The following ZNF532 variants were observed in gnomAD, a reference collection of about 807,000 sequenced individuals.
The protein encoded by ZNF532 is zinc finger protein 532.
In ZNF532, 22 loss-of-function variants were observed where a neutral mutation model predicts 89.3. The ratio of observed to expected loss-of-function variants is 0.25; its 90% CI spans 0.18 to 0.35. ZNF532 has a LOEUF of 0.35. Among genes scored for constraint, ZNF532 ranks in the 10% least tolerant of loss-of-function variants. The pLI is 1.00. For synonymous variants in ZNF532, 606 were observed against 649.6 expected (o/e 0.93, Z 1.02); for missense variants, 1,132 against 1,643.4 (o/e 0.69, Z 5.38).
rs1321734803 is a variant in ZNF532, at chr18:58,920,209, G to A, written c.1922G>A (p.Arg641His). ...LTQHYDRRSV[R>H]IEVTCNHCTK... Reference sequence around the variant, plus strand: ...CAGCACTACGACAGACGGAGCGTGCGCATCGAAGTAACGTGCAACCATTGT... The same window carrying A: ...CAGCACTACGACAGACGGAGCGTGCACATCGAAGTAACGTGCAACCATTGT... Residue 641 changes from arginine to histidine, a missense_variant, in exon 3 of 10, where the codon CGC (arginine) becomes CAC (histidine). By Grantham distance (29) the Arg-to-His change is conservative. Coordinates refer to ENST00000591808, the MANE Select transcript of ZNF532 (RefSeq NM_001375912.1). 4 of 1,613,538 alleles carry A rather than the reference G, an allele frequency of 2.5e-6. No homozygotes were observed. Among genetic ancestry groups the A allele is most frequent in the East Asian group, 4.5e-5 (2 of 44,888 alleles).
At chr18:58,891,208 T>G (rs1043393020) in intron 2 of ZNF532, among the ~76,000 whole-genome samples, 5 of 151,872 alleles carry the variant, frequency 3.3e-5, no homozygotes, top group Admixed American at 1.3e-4. Flanking sequence ...CATGAGCCAC[T>G]GCGCCCGGCC....
At chr18:58,874,673 A>T (rs1409396194) in intron 2 of ZNF532, among the ~76,000 whole-genome samples, 1 of 151,950 alleles carries the variant, frequency 6.6e-6, no homozygotes, top group Non-Finnish European at 1.5e-5. Context: ...GTACTTGAAC[A>T]TTTTTTTGCT....
In ZNF532 at chr18:58,984,508, T is replaced by G; in HGVS notation, c.*42T>G. On this transcript the variant is annotated 3_prime_UTR_variant, in exon 10 of 10. Transcript: ENST00000591808. ...AGGAAAATCCCTGTCCACATTGGAA[T>G]AAAAAAGACATTTTTGTTACAAAGT... The G allele has an allele frequency of 6.4e-7, 1 of 1,570,202 alleles. No homozygotes were observed. Among genetic ancestry groups the G allele is most frequent in the Non-Finnish European group, 8.6e-7 (1 of 1,160,862 alleles).
In ZNF532 at chr18:58,985,628, C is replaced by T. The variant is rs1368510578; in HGVS notation, c.*1162C>T. 1 of 152,594 alleles carries T rather than the reference C, an allele frequency of 6.6e-6. No homozygotes were observed. Among genetic ancestry groups the T allele is most frequent in the Non-Finnish European group, 1.5e-5 (1 of 68,040 alleles). 9.5% of individuals were successfully genotyped at this position (152,594 alleles called of 1,614,324 possible). A position where few individuals can be genotyped will look rare whatever the true frequency, so the allele number is the denominator to read the frequency against. On this transcript the variant is annotated 3_prime_UTR_variant, in exon 10 of 10. Transcript: ENST00000591808. ...AGAAGTATATTTAACGTCGGTAGTT[C>T]TGCTTTATTAAAATGCAGCAGAGGT... is the stretch of plus-strand genomic sequence containing the variant.
chr18:58,914,953 A>G (rs1374120280), intron 2 of ZNF532, among the ~76,000 whole-genome samples: 1 of 152,246 alleles, frequency 6.6e-6, no homozygotes, highest in Non-Finnish European at 1.5e-5. Context: ...GAAAACTTTC[A>G]GACATAAACA....
At chr18:58,885,025 G>C (rs1241834524) in intron 2 of ZNF532, among the ~76,000 whole-genome samples, 1 of 126,086 alleles carries the variant, frequency 7.9e-6, no homozygotes, top group Non-Finnish European at 1.6e-5. Context: ...TTTCACTCTT[G>C]TTACCTAGGT....
intron 2 of ZNF532, among the ~76,000 whole-genome samples, chr18:58,866,847 G>A (rs1408372795): frequency 6.6e-6 from 1 of 152,260 alleles, no homozygotes; most frequent in African/African-American, 2.4e-5. Context: ...GATACTTTAT[G>A]GAGTATTTAA....
intron 5 of ZNF532, among the ~76,000 whole-genome samples, chr18:58,946,739 C>T (rs2063696154): frequency 6.6e-6 from 1 of 152,096 alleles, no homozygotes; most frequent in South Asian, 2.1e-4. Context: ...CCCCGAAAAC[C>T]TTGTCTGCTT....
intron 2 of ZNF532, among the ~76,000 whole-genome samples, chr18:58,915,769 T>C (rs17694843): frequency 0.45 from 68,227 of 152,062 alleles, 15,859 homozygotes; most frequent in East Asian, 0.64. Context: ...TTTCATGGGG[T>C]GACCTTTCCT....
At chr18:58,958,945 T>C (rs2065057479) in intron 7 of ZNF532, among the ~76,000 whole-genome samples, 1 of 152,206 alleles carries the variant, frequency 6.6e-6, no homozygotes, top group African/African-American at 2.4e-5. Context: ...GAAGGCCTTT[T>C]AGGAACCAAA....
intron 2 of ZNF532, among the ~76,000 whole-genome samples, chr18:58,904,856 G>T (rs62095476): frequency 1.1e-3 from 162 of 143,308 alleles, no homozygotes; most frequent in Admixed American, 9.0e-3. Context: ...TTTTTTTTTG[G>T]TTGAGACTGG....
intron 7 of ZNF532, among the ~76,000 whole-genome samples, chr18:58,974,638 G>A (rs1206094712): frequency 6.6e-6 from 1 of 152,190 alleles, no homozygotes; most frequent in Non-Finnish European, 1.5e-5. Flanking sequence ...ACAGAATGCT[G>A]TGGAGTTGTG....
At chr18:58,948,332 G>A (rs1188093568) in intron 6 of ZNF532, 103 bp downstream of exon 6, 12 of 1,215,490 alleles carry the variant, frequency 9.9e-6, no homozygotes, top group African/African-American at 9.2e-5. Flanking sequence ...CCTCACTGTC[G>A]AGGGAAGGGA....
intron 3 of ZNF532, among the ~76,000 whole-genome samples, chr18:58,926,674 T>C (rs2061551834): frequency 6.6e-6 from 1 of 152,188 alleles, no homozygotes; most frequent in Non-Finnish European, 1.5e-5. Flanking sequence ...ATAAGTCCTG[T>C]GCATGTTTTG....
intron 3 of ZNF532, among the ~76,000 whole-genome samples, chr18:58,930,041 G>A (rs896856130): frequency 5.9e-5 from 9 of 152,176 alleles, no homozygotes; most frequent in Non-Finnish European, 8.8e-5. Context: ...TCATGTTGGT[G>A]TAGGCTTTTG....
intron 9 of ZNF532, among the ~76,000 whole-genome samples, chr18:58,983,117 AAAAG>A (rs1396726493): frequency 1.3e-5 from 2 of 152,312 alleles, no homozygotes; most frequent in Middle Eastern, 3.4e-3. Flanking sequence ...GTCTTAAAAA[AAAAG>A]AAAGTGTGTG....
At chr18:58,922,880 C>T (rs1208454495) in intron 3 of ZNF532, among the ~76,000 whole-genome samples, 2 of 152,174 alleles carry the variant, frequency 1.3e-5, no homozygotes, top group East Asian at 3.8e-4. Flanking sequence ...TAGGAATGTC[C>T]TTATTCCCTG....
upstream of ZNF532, chr18:58,863,941 C>G (rs1447254787): frequency 6.6e-6 from 1 of 152,132 alleles, no homozygotes; most frequent in Non-Finnish European, 1.5e-5. Context: ...GTGGCCTGTC[C>G]CACCCTGGCC....
intron 3 of ZNF532, chr18:58,932,648 G>A (rs886177432): frequency 6.6e-6 from 1 of 152,106 alleles, no homozygotes; most frequent in Non-Finnish European, 1.5e-5. Context: ...GGAGCCTTGG[G>A]CGAGTTTCTT....
Sources: allele counts gnomAD v4.1 joint callset (sites outside exome capture counted in the v4.1 genomes callset), GRCh38; gene constraint gnomAD v4.1.1; transcripts MANE v1.5; gene names NCBI Gene and HGNC (gene_info 2026-07-23, HGNC 2026-07-21).